Variants in DOCK4 observed in about 807,000 individuals in gnomAD.
The protein encoded by DOCK4 is dedicator of cytokinesis 4.
DOCK4 carries 97 observed loss-of-function variants against 268.1 expected under a neutral mutation model. The ratio of observed to expected loss-of-function variants is 0.36; its 90% confidence interval spans 0.31 to 0.43. DOCK4 has a LOEUF of 0.43. DOCK4 is among the 20% of genes least tolerant of loss of function. DOCK4 has a pLI of 1.00. For missense variants in DOCK4, 2,145 were observed against 2,455.7 expected, an observed-to-expected ratio of 0.87 and a Z score of 2.67; for synonymous variants, 954 against 887.2, an observed-to-expected ratio of 1.08 and a Z score of -1.34.
At chr7:112,133,675 G>A (rs1223400706) in intron 1 of DOCK4, among the ~76,000 whole-genome samples, 2 of 152,082 alleles carry the variant, frequency 1.3e-5, no homozygotes, top group African/African-American at 4.8e-5. Flanking sequence ...AGCCGAGATG[G>A]CACCACTAAA....
chr7:111,811,764 T>C (rs1401701715), intron 28 of DOCK4, 110 bp downstream of exon 28: 2 of 682,528 alleles, frequency 2.9e-6, no homozygotes, highest in East Asian at 2.9e-5. Flanking sequence ...ACTGTTCTAA[T>C]ATTCCTCATA....
At chr7:112,109,828 T>C (rs990380373) in intron 1 of DOCK4, among the ~76,000 whole-genome samples, 1 of 148,046 alleles carries the variant, frequency 6.8e-6, no homozygotes, top group Non-Finnish European at 1.5e-5. Context: ...CACTGCAAGC[T>C]CCGCCTCCCG....
chr7:111,887,465 T>A (rs771543069), intron 16 of DOCK4, among the ~76,000 whole-genome samples: 21 of 151,814 alleles, frequency 1.4e-4, no homozygotes, highest in Non-Finnish European at 2.8e-4. Flanking sequence ...GAGAAATGAG[T>A]CCTCAAAGAG....
At chr7:111,944,110 T>C (rs1795421819) in intron 10 of DOCK4, among the ~76,000 whole-genome samples, 1 of 152,210 alleles carries the variant, frequency 6.6e-6, no homozygotes, top group African/African-American at 2.4e-5. Flanking sequence ...AGAGGCATTT[T>C]ATGTGTAAAA....
At chr7:111,894,258 G>C (rs922781965) in intron 16 of DOCK4, among the ~76,000 whole-genome samples, 27 of 151,932 alleles carry the variant, frequency 1.8e-4, no homozygotes, top group Admixed American at 1.8e-3. Context: ...GAAAATACCA[G>C]GTGTGTTATA....
intron 47 of DOCK4, among the ~76,000 whole-genome samples, 162 bp downstream of exon 47, chr7:111,740,932 A>G (rs1418601448): frequency 1.3e-5 from 2 of 151,962 alleles, no homozygotes; most frequent in African/African-American, 2.4e-5. Flanking sequence ...ACGTCTTTGT[A>G]GACTCTAGAG....
At position 111,732,218 on chromosome 7, in the gene DOCK4, G is replaced by A. The variant is rs1403998375; in HGVS notation, c.5481+8C>T. 1 of 1,613,814 alleles carries A rather than the reference G, an allele frequency of 6.2e-7. No homozygotes were observed. ...GTCTCTAGCCTCAGTCGAAAGAAGG[G>A]CCTTTACCTTCAATGGAGATCGCCC... is the stretch of plus-strand genomic sequence containing the variant. On this transcript the variant is annotated splice_region_variant and intron_variant, in intron 52 of 52. Transcript: ENST00000428084.
chr7:112,200,727 AAAAAAAAAAAAC>A (rs1820841307), intron 1 of DOCK4, among the ~76,000 whole-genome samples: 1 of 118,418 alleles, frequency 8.4e-6, no homozygotes, highest in African/African-American at 3.9e-5. Context: ...CTCTAAAATA[AAAAAAAAAAAAC>A]AAAAAAAAAC....
chr7:112,011,201 C>A (rs1259836546), intron 1 of DOCK4, among the ~76,000 whole-genome samples: 2 of 152,216 alleles, frequency 1.3e-5, no homozygotes, highest in Non-Finnish European at 2.9e-5. Flanking sequence ...TGTCACTAGG[C>A]CTGCATCACA....
At chr7:111,957,550 T>C (rs1241134654) in intron 8 of DOCK4, among the ~76,000 whole-genome samples, 1 of 152,190 alleles carries the variant, frequency 6.6e-6, no homozygotes, top group African/African-American at 2.4e-5. Context: ...ACAAGCTGTG[T>C]CTACTAGCAA....
At chr7:112,046,443 A>C (rs1333531671) in intron 1 of DOCK4, among the ~76,000 whole-genome samples, 2 of 152,340 alleles carry the variant, frequency 1.3e-5, no homozygotes, top group East Asian at 3.9e-4. Flanking sequence ...ATACTTTCCT[A>C]AAAATGCTGC....
At chr7:112,072,804 T>C (rs1807717590) in intron 1 of DOCK4, among the ~76,000 whole-genome samples, 1 of 152,234 alleles carries the variant, frequency 6.6e-6, no homozygotes, top group East Asian at 1.9e-4. Flanking sequence ...GTCTCACAAA[T>C]GCACACTAAG....
At chr7:111,782,972 G>T in intron 34 of DOCK4, 48 bp from the exon 35 acceptor site, 1 of 1,482,474 alleles carries the variant, frequency 6.7e-7, no homozygotes, top group Non-Finnish European at 9.3e-7. Flanking sequence ...CTTCCTAGGG[G>T]CAAACACAGT....
intron 4 of DOCK4, among the ~76,000 whole-genome samples, chr7:111,996,690 C>T (rs913287622): frequency 1.3e-5 from 2 of 151,940 alleles, no homozygotes; most frequent in Non-Finnish European, 2.9e-5. Context: ...AGGTGGAGAC[C>T]CCATAAGAAA....
chr7:111,884,142 A>G (rs926131915), intron 16 of DOCK4, among the ~76,000 whole-genome samples: 7 of 152,194 alleles, frequency 4.6e-5, no homozygotes, highest in African/African-American at 9.6e-5. Flanking sequence ...ATCACACAGA[A>G]AATATAGCAT....
At chr7:112,036,918 C>A (rs1278014904) in intron 1 of DOCK4, among the ~76,000 whole-genome samples, 3 of 152,172 alleles carry the variant, frequency 2.0e-5, no homozygotes, top group Non-Finnish European at 4.4e-5. Context: ...GCCTTTGCCT[C>A]CCATAGTGCT....
intron 1 of DOCK4, among the ~76,000 whole-genome samples, chr7:112,193,175 C>A (rs771211858): frequency 6.6e-6 from 1 of 152,146 alleles, no homozygotes; most frequent in Admixed American, 6.5e-5. Context: ...GAAGACTCTA[C>A]CTCTTTTGGT....
At chr7:112,026,495 C>T (rs1802800998) in intron 1 of DOCK4, among the ~76,000 whole-genome samples, 1 of 152,334 alleles carries the variant, frequency 6.6e-6, no homozygotes, top group Non-Finnish European at 1.5e-5. Flanking sequence ...AGAGGGCCAA[C>T]AAATAACAGC....
chr7:112,156,116 C>T (rs1441476526), intron 1 of DOCK4, among the ~76,000 whole-genome samples: 1 of 150,992 alleles, frequency 6.6e-6, no homozygotes. Flanking sequence ...GTCTCTTACC[C>T]AACCTACACA....
Sources: gnomAD v4.1 joint callset for allele counts (sites outside exome capture counted in the v4.1 genomes callset) on GRCh38, gnomAD v4.1.1 for gene constraint, MANE v1.5 for transcripts, NCBI Gene and HGNC (gene_info 2026-07-23, HGNC 2026-07-21) for gene names.